CHIC1: variants seen among roughly 807,000 people sequenced by gnomAD.
CHIC1 encodes cysteine-rich hydrophobic domain-containing protein 1.
CHIC1 carries 7 observed loss-of-function variants against 18.5 expected under a neutral mutation model. The ratio of observed to expected loss-of-function variants is 0.38; its 90% CI spans 0.22 to 0.71. The LOEUF (loss-of-function observed/expected upper bound fraction) is 0.71, where lower values mean the gene tolerates loss of function less well. Ranked by LOEUF, CHIC1 falls within the 30% of genes least tolerant of loss-of-function variation. CHIC1 has a pLI of 0.49. For synonymous variants in CHIC1, 77 were observed against 73.5 expected (o/e 1.05, Z -0.25); for missense variants, 159 against 176.9 (o/e 0.90, Z 0.57).
At chrX:73,671,578 AC>A (rs1354915822) in intron 3 of CHIC1, among the ~76,000 whole-genome samples, 20 of 110,882 alleles carry the variant, frequency 1.8e-4, no homozygotes, top group African/African-American at 5.6e-4. Context: ...TGTATCTTTA[AC>A]GTCATTCATT....
chrX:73,650,919 C>T (rs1425884884), intron 3 of CHIC1, among the ~76,000 whole-genome samples: 3 of 111,625 alleles, frequency 2.7e-5, no homozygotes, highest in Non-Finnish European at 3.8e-5. Context: ...TCCTGATGAA[C>T]ATCAATGCAA....
intron 3 of CHIC1, among the ~76,000 whole-genome samples, chrX:73,593,663 C>CT (rs1484004057): frequency 1.8e-5 from 2 of 111,606 alleles, no homozygotes; most frequent in Non-Finnish European, 3.8e-5. Flanking sequence ...AAAGGCCAGT[C>CT]TTCAATCTCT....
intron 3 of CHIC1, among the ~76,000 whole-genome samples, chrX:73,658,693 T>G (rs745755444): frequency 1.8e-4 from 20 of 111,417 alleles, no homozygotes; most frequent in Non-Finnish European, 3.2e-4. Flanking sequence ...ATGTTTGTTC[T>G]TGGTTCTCTA....
chrX:73,642,738 T>C (rs1283127573), intron 3 of CHIC1, among the ~76,000 whole-genome samples: 51 of 110,872 alleles, frequency 4.6e-4, no homozygotes, highest in Non-Finnish European at 4.3e-4. Flanking sequence ...TTTCTACATA[T>C]GGCTAGCCAG....
intron 3 of CHIC1, among the ~76,000 whole-genome samples, chrX:73,599,366 G>A (rs1224922433): frequency 2.1e-5 from 2 of 94,900 alleles, no homozygotes; most frequent in Admixed American, 1.1e-4. Context: ...TTTGTCTTTT[G>A]TTGCCATTGC....
At chrX:73,597,452 G>T (rs181885382) in intron 3 of CHIC1, among the ~76,000 whole-genome samples, 1 of 109,365 alleles carries the variant, frequency 9.1e-6, no homozygotes, top group East Asian at 2.9e-4. Flanking sequence ...TGTCTTAATA[G>T]TGCCATGTGA....
At chrX:73,643,880 T>C (rs1420995321) in intron 3 of CHIC1, among the ~76,000 whole-genome samples, 1 of 112,491 alleles carries the variant, frequency 8.9e-6, no homozygotes, top group African/African-American at 3.2e-5. Flanking sequence ...TCAAAGTCAT[T>C]CTCCGTCCAT....
At chrX:73,640,447 G>T (rs1293761719) in intron 3 of CHIC1, among the ~76,000 whole-genome samples, 1 of 111,464 alleles carries the variant, frequency 9.0e-6, no homozygotes, top group Non-Finnish European at 1.9e-5. Context: ...TTTTGTTGAG[G>T]ATTTTTACAT....
chrX:73,676,102 C>T (rs2058061155), intron 3 of CHIC1, among the ~76,000 whole-genome samples: 1 of 112,197 alleles, frequency 8.9e-6, no homozygotes, highest in South Asian at 3.7e-4. Context: ...GAGAGATCTG[C>T]TGTTAGTCTG....
Position 73,681,410 on chromosome X carries a change from A to G in CHIC1, c.*405A>G, listed in dbSNP as rs2058099028. 8.5e-6 allele frequency: 1 copy of G among 118,310 alleles called. No individual in the cohort carries two copies. The highest frequency in any genetic ancestry group is 1.7e-5 in the Non-Finnish European group (1 of 57,442). 9.8% of individuals were successfully genotyped at this position (118,310 alleles called of 1,213,427 possible). On this transcript the variant is annotated 3_prime_UTR_variant, in exon 6 of 6. Transcript: ENST00000373502. ...TGTAATCCCTTACTGGACAAACTTA[A>G]ATAAGCTTTTGGTAGCTTTTAGAAA... is the stretch of plus-strand genomic sequence containing the variant.
At chrX:73,625,240 A>T (rs987742106) in intron 3 of CHIC1, among the ~76,000 whole-genome samples, 2 of 111,716 alleles carry the variant, frequency 1.8e-5, no homozygotes, top group South Asian at 7.5e-4. Flanking sequence ...ATGACAAACC[A>T]TACAAATATT....
chrX:73,660,320 G>A (rs1344383195), intron 3 of CHIC1, among the ~76,000 whole-genome samples: 1 of 111,780 alleles, frequency 8.9e-6, no homozygotes, highest in Non-Finnish European at 1.9e-5. Context: ...CCATTAATGA[G>A]GGACCCCACT....
intron 3 of CHIC1, among the ~76,000 whole-genome samples, chrX:73,666,621 C>T (rs1477684392): frequency 1.8e-5 from 2 of 112,235 alleles, no homozygotes; most frequent in Admixed American, 1.9e-4. Context: ...ACTTTGTATC[C>T]TTCAGTCCAA....
intron 3 of CHIC1, among the ~76,000 whole-genome samples, chrX:73,590,820 C>T (rs1189977943): frequency 2.7e-5 from 3 of 111,333 alleles, no homozygotes; most frequent in African/African-American, 9.8e-5. Flanking sequence ...GAATAATATT[C>T]CAGTTTTGAG....
chrX:73,649,181 C>T (rs765197301), intron 3 of CHIC1, among the ~76,000 whole-genome samples: 6 of 111,669 alleles, frequency 5.4e-5, no homozygotes, highest in Admixed American at 4.8e-4. Flanking sequence ...GCCTTCCTTG[C>T]AAGAGCTCCT....
chrX:73,664,958 C>T (rs984454698), intron 3 of CHIC1, among the ~76,000 whole-genome samples: 4 of 111,978 alleles, frequency 3.6e-5, no homozygotes, highest in African/African-American at 9.8e-5. Flanking sequence ...TTCAATTATT[C>T]CTTTCGTAAA....
At chrX:73,608,802 C>T (rs910946689) in intron 3 of CHIC1, among the ~76,000 whole-genome samples, 1 of 107,603 alleles carries the variant, frequency 9.3e-6, no homozygotes, top group Non-Finnish European at 1.9e-5. Flanking sequence ...GGATTTCTAC[C>T]TATAAGTTTA....
At chrX:73,628,991 G>T (rs1368701488) in intron 3 of CHIC1, among the ~76,000 whole-genome samples, 5 of 110,903 alleles carry the variant, frequency 4.5e-5, no homozygotes, top group African/African-American at 1.6e-4. Flanking sequence ...GCCCACACTT[G>T]TTATCTTTTT....
Position 73,683,524 on chromosome X carries a change from T to C in CHIC1, c.*2519T>C, listed in dbSNP as rs1292594931. On this transcript the variant is annotated 3_prime_UTR_variant, in exon 6 of 6. Coordinates refer to ENST00000373502, the MANE Select transcript of CHIC1 (RefSeq NM_001039840.4). ...CCCCCATGGAGCCTTTTTTCTGTTA[T>C]GCTTAGGATAGAACATACTTGTAAT... 1.8e-5 allele frequency: 2 copies of C among 111,689 alleles called. No individual in the cohort carries two copies. The highest frequency in any genetic ancestry group is 3.6e-4 in the South Asian group (1 of 2,742). 9.2% of individuals were successfully genotyped at this position (111,689 alleles called of 1,213,427 possible).
Sources: allele counts gnomAD v4.1 joint callset (sites outside exome capture counted in the v4.1 genomes callset), GRCh38; gene constraint gnomAD v4.1.1; transcripts MANE v1.5; gene names NCBI Gene and HGNC (gene_info 2026-07-23, HGNC 2026-07-21).